The following NRXN1 variants were observed in gnomAD, a reference collection of about 807,000 sequenced individuals.
NRXN1 encodes the protein neurexin 1, also known as neurexin-1.
NRXN1 carries 39 observed loss-of-function variants against 150.9 expected under a neutral mutation model. The ratio of observed to expected loss-of-function variants is 0.26; its 90% CI spans 0.20 to 0.34. The LOEUF (loss-of-function observed/expected upper bound fraction) is 0.34. Among genes scored for constraint, NRXN1 ranks in the 10% least tolerant of loss-of-function variants. The pLI, the probability that NRXN1 is intolerant of heterozygous loss-of-function variation, is 1.00. For synonymous variants in NRXN1, 924 were observed against 757.0 expected, an observed-to-expected ratio of 1.22 and a Z score of -3.62; for missense variants, 1,815 against 1,949.9, an observed-to-expected ratio of 0.93 and a Z score of 1.30.
chr2:50,315,875 T>C (rs145854478), intron 17 of NRXN1, among the ~76,000 whole-genome samples: 14 of 152,198 alleles, frequency 9.2e-5, no homozygotes, highest in African/African-American at 3.1e-4. Context: ...CTGGTGACAG[T>C]TTCCATCCTT....
intron 17 of NRXN1, among the ~76,000 whole-genome samples, chr2:50,461,880 G>A (rs759127955): frequency 6.6e-6 from 1 of 151,944 alleles, no homozygotes; most frequent in Non-Finnish European, 1.5e-5. Flanking sequence ...TGGAATGAAT[G>A]CATTTTCCAG....
chr2:50,804,070 G>A (rs1311610242), intron 5 of NRXN1, among the ~76,000 whole-genome samples: 1 of 152,144 alleles, frequency 6.6e-6, no homozygotes, highest in Non-Finnish European at 1.5e-5. Context: ...AAATATTGCT[G>A]TGATTCTTTT....
At chr2:50,547,540 T>C (rs2093522415) in intron 9 of NRXN1, 1 of 152,208 alleles carries the variant, frequency 6.6e-6, no homozygotes, top group South Asian at 2.1e-4. Flanking sequence ...AGAGAGAGAC[T>C]GGTTTAAAAA....
At chr2:50,221,490 C>T (rs961576843) in intron 18 of NRXN1, among the ~76,000 whole-genome samples, 1 of 151,912 alleles carries the variant, frequency 6.6e-6, no homozygotes, top group African/African-American at 2.4e-5. Flanking sequence ...AAGACTATAG[C>T]ACCTTTAGGA....
At chr2:50,996,017 T>C (rs573815872) in intron 2 of NRXN1, among the ~76,000 whole-genome samples, 17 of 152,204 alleles carry the variant, frequency 1.1e-4, no homozygotes, top group South Asian at 2.1e-4. Flanking sequence ...GAGGATATTA[T>C]GGAGGGGAAA....
chr2:50,954,944 G>T (rs1692033714), intron 2 of NRXN1, among the ~76,000 whole-genome samples: 1 of 152,112 alleles, frequency 6.6e-6, no homozygotes, highest in Non-Finnish European at 1.5e-5. Flanking sequence ...GAGATAAACA[G>T]ATTTAGCCAA....
At chr2:50,050,230 A>G (rs1380213562) in intron 21 of NRXN1, among the ~76,000 whole-genome samples, 1 of 149,842 alleles carries the variant, frequency 6.7e-6, no homozygotes, top group Non-Finnish European at 1.5e-5. Context: ...TATGGAGGAT[A>G]TTTTGATGAA....
At chr2:51,001,666 A>G (rs1270131852) in intron 2 of NRXN1, among the ~76,000 whole-genome samples, 1 of 152,044 alleles carries the variant, frequency 6.6e-6, no homozygotes, top group African/African-American at 2.4e-5. Flanking sequence ...TAAAATTCCC[A>G]CAATTCACGC....
intron 17 of NRXN1, among the ~76,000 whole-genome samples, chr2:50,400,247 A>G (rs1372501854): frequency 1.3e-5 from 2 of 152,160 alleles, no homozygotes; most frequent in Non-Finnish European, 2.9e-5. Flanking sequence ...CATATTTCCC[A>G]TATTCCAATA....
chr2:50,797,040 A>G (rs1706937248), intron 5 of NRXN1, among the ~76,000 whole-genome samples: 1 of 152,108 alleles, frequency 6.6e-6, no homozygotes, highest in African/African-American at 2.4e-5. Context: ...TAAGAGCACG[A>G]ATCCTATTTT....
intron 17 of NRXN1, among the ~76,000 whole-genome samples, chr2:50,283,602 C>A (rs953734071): frequency 6.6e-6 from 1 of 152,138 alleles, no homozygotes; most frequent in African/African-American, 2.4e-5. Context: ...ATTCATTATA[C>A]TACTCCTCAA....
intron 5 of NRXN1, among the ~76,000 whole-genome samples, chr2:50,667,773 T>C (rs1688283650): frequency 6.6e-6 from 1 of 152,104 alleles, no homozygotes; most frequent in South Asian, 2.1e-4. Flanking sequence ...GGCTTTATAT[T>C]CCTAAGTATT....
At chr2:50,539,193 G>A (rs1441637100) in intron 9 of NRXN1, among the ~76,000 whole-genome samples, 4 of 150,006 alleles carry the variant, frequency 2.7e-5, no homozygotes, top group Non-Finnish European at 5.9e-5. Context: ...CTCATAATAT[G>A]CGCATAATAA....
intron 5 of NRXN1, among the ~76,000 whole-genome samples, chr2:50,687,948 C>T (rs896910153): frequency 1.3e-5 from 2 of 152,150 alleles, no homozygotes; most frequent in African/African-American, 4.8e-5. Context: ...ACCAGATATC[C>T]TCTTCTTCAT....
chr2:50,730,003 C>CT (rs1410028810), intron 5 of NRXN1, among the ~76,000 whole-genome samples: 1 of 152,202 alleles, frequency 6.6e-6, no homozygotes, highest in African/African-American at 2.4e-5. Flanking sequence ...AAGTAGTTCT[C>CT]TTTACCTTTG....
At chr2:49,991,554 T>C (rs895740250) in intron 21 of NRXN1, among the ~76,000 whole-genome samples, 5 of 152,170 alleles carry the variant, frequency 3.3e-5, no homozygotes, top group Admixed American at 6.5e-5. Context: ...TTTTCTTCTA[T>C]ATAAGGAGAA....
intron 5 of NRXN1, among the ~76,000 whole-genome samples, chr2:50,854,138 T>C (rs894567798): frequency 6.6e-6 from 1 of 152,080 alleles, no homozygotes; most frequent in African/African-American, 2.4e-5. Context: ...GATATAGCAA[T>C]AGATGTTTCT....
intron 18 of NRXN1, chr2:50,174,839 C>G (rs1234734072): frequency 6.6e-6 from 1 of 152,026 alleles, no homozygotes; most frequent in Non-Finnish European, 1.5e-5. Flanking sequence ...AACAACAGAA[C>G]CAGTCTTGTA....
chr2:50,931,602 G>A (rs1039282275), intron 2 of NRXN1, among the ~76,000 whole-genome samples: 15 of 151,886 alleles, frequency 9.9e-5, no homozygotes, highest in African/African-American at 3.4e-4. Context: ...CAAACAGCTT[G>A]GAAGGAAGCT....
Sources: gnomAD v4.1 joint callset for allele counts (sites outside exome capture counted in the v4.1 genomes callset) on GRCh38, gnomAD v4.1.1 for gene constraint, MANE v1.5 for transcripts, NCBI Gene and HGNC (gene_info 2026-07-23, HGNC 2026-07-21) for gene names.